Variants in PLEKHG4B observed in about 807,000 individuals in gnomAD.
PLEKHG4B encodes pleckstrin homology domain-containing family G member 4B.
A neutral mutation model predicts 121.3 loss-of-function variants in PLEKHG4B; 111 were observed. The ratio of observed to expected loss-of-function variants is 0.92; its 90% confidence interval spans 0.78 to 1.07. PLEKHG4B has a LOEUF of 1.07. PLEKHG4B is among the 50% of genes least tolerant of loss of function. The pLI, the probability that PLEKHG4B is intolerant of heterozygous loss-of-function variation, is 0.00. For missense variants in PLEKHG4B, 1,831 were observed against 1,757.8 expected, an observed-to-expected ratio of 1.04 and a Z score of -0.74; for synonymous variants, 738 against 725.0, an observed-to-expected ratio of 1.02 and a Z score of -0.29.
intron 2 of PLEKHG4B, among the ~76,000 whole-genome samples, chr5:122,078 G>A (rs560449346): frequency 2.6e-5 from 4 of 152,166 alleles, no homozygotes; most frequent in Non-Finnish European, 4.4e-5. Flanking sequence ...ACATTGTTTC[G>A]AATTTTAAAA....
chr5:166,862 A>C (rs1736370405), intron 13 of PLEKHG4B, among the ~76,000 whole-genome samples: 1 of 152,218 alleles, frequency 6.6e-6, no homozygotes, highest in South Asian at 2.1e-4. Context: ...TCCAAGTAGA[A>C]CATTAAGTTC....
chr5:134,505 C>A (rs768178111), intron 2 of PLEKHG4B, among the ~76,000 whole-genome samples: 2 of 152,008 alleles, frequency 1.3e-5, no homozygotes, highest in Admixed American at 6.5e-5. Context: ...GTGGGTCATG[C>A]CTGTGATCCC....
intron 1 of PLEKHG4B, among the ~76,000 whole-genome samples, chr5:101,880 T>C (rs865843458): frequency 6.5e-3 from 365 of 55,870 alleles, no homozygotes; most frequent in African/African-American, 0.027. Context: ...CTGGAAAAAG[T>C]CTGTAGGGGA....
At chr5:181,436 T>C in intron 18 of PLEKHG4B, 78 bp from the exon 19 acceptor site, 1 of 1,466,016 alleles carries the variant, frequency 6.8e-7, no homozygotes, top group Non-Finnish European at 9.4e-7. Flanking sequence ...GCTGAGGGCA[T>C]TAGGGGTACC....
chr5:110,544 A>G (rs1355020014), intron 1 of PLEKHG4B, among the ~76,000 whole-genome samples: 1 of 147,316 alleles, frequency 6.8e-6, no homozygotes, highest in African/African-American at 2.6e-5. Context: ...TCTGCAACAC[A>G]CGTGCACACA....
At chr5:133,913 G>GACACAC (rs745898348) in intron 2 of PLEKHG4B, among the ~76,000 whole-genome samples, 3,353 of 135,586 alleles carry the variant, frequency 0.025, 152 homozygotes, top group African/African-American at 0.088. Flanking sequence ...AAGAAAATGT[G>GACACAC]ACACACACGC....
In PLEKHG4B at chr5:143,263, G is replaced by T; in HGVS notation, c.1687+7G>T. The stretch of plus-strand genomic sequence containing the variant: ...GGGGTCGTCACCCTCCCAGGTGAGA[G>T]CACATGCCAGGCTCTCCTGTCAGGG... On this transcript the variant is annotated splice_region_variant and intron_variant, in intron 4 of 19. Transcript: ENST00000637938. 6.2e-7 allele frequency: 1 copy of T among 1,609,678 alleles called. No individual in the cohort carries two copies. The highest frequency in any genetic ancestry group is 8.5e-7 in the Non-Finnish European group (1 of 1,179,890).
Position 183,979 on chromosome 5 carries a change from A to AGATC in PLEKHG4B, c.*1659_*1660insCGAT, listed in dbSNP as rs1553992864. 5.6e-5 allele frequency: 5 copies of AGATC among 88,988 alleles called. No homozygotes were observed. The highest frequency in any genetic ancestry group is 2.2e-4 in the Admixed American group (2 of 9,076). 5.5% of individuals were successfully genotyped at this position (88,988 alleles called of 1,614,324 possible). ...TAGATATATATACAGACAGATAGAT[A>AGATC]GATAGATAGATCGATAGATAGATAG... On this transcript the variant is annotated 3_prime_UTR_variant, in exon 20 of 20. Transcript: ENST00000637938.
Position 143,027 on chromosome 5 carries a change from G to A in PLEKHG4B, c.1478-20G>A, listed in dbSNP as rs1162850387. 6.8e-6 allele frequency: 11 copies of A among 1,607,826 alleles called. No homozygotes were observed. The highest frequency in any genetic ancestry group is 2.2e-5 in the East Asian group (1 of 44,796). On this transcript the variant is annotated intron_variant, in intron 3 of 19. Coordinates refer to ENST00000637938, the MANE Select transcript of PLEKHG4B (RefSeq NM_052909.5). ...GCAGGAAAACCTTCATCTTTGACAC[G>A]GCCTCTTTCCTTTGTCCAGACGTTC... is the stretch of plus-strand genomic sequence containing the variant.
chr5:135,678 AAAAAATATATATAT>A (rs1352263237), intron 2 of PLEKHG4B, among the ~76,000 whole-genome samples: 8 of 51,698 alleles, frequency 1.5e-4, no homozygotes, highest in East Asian at 4.4e-4. Context: ...AAAAAAAAAA[AAAAAATATATATAT>A]ATATATATAT....
chr5:103,231 G>A (rs1003134096), intron 1 of PLEKHG4B, among the ~76,000 whole-genome samples: 6 of 152,208 alleles, frequency 3.9e-5, no homozygotes, highest in Non-Finnish European at 5.9e-5. Flanking sequence ...GGTGCATCCT[G>A]TGAAGTTCAG....
At chr5:114,388 A>G (rs901550407) in intron 2 of PLEKHG4B, among the ~76,000 whole-genome samples, 20 of 152,136 alleles carry the variant, frequency 1.3e-4, no homozygotes, top group Admixed American at 2.0e-4. Flanking sequence ...TTTATGGAGT[A>G]CTCTAAATCC....
chr5:99,980 C>G (rs956717012), intron 1 of PLEKHG4B, among the ~76,000 whole-genome samples: 2 of 152,068 alleles, frequency 1.3e-5, no homozygotes, highest in African/African-American at 4.8e-5. Context: ...TTGAGATGAT[C>G]ATGTGAGCTT....
rs1460296526 is a variant in PLEKHG4B, at chr5:157,989, C to A, written c.2487+1078C>A. Among the ~76,000 whole-genome samples, 1 of 152,146 alleles carries A rather than the reference C, an allele frequency of 6.6e-6. No homozygotes were observed. The highest frequency in any genetic ancestry group is 2.4e-5 in the African/African-American group (1 of 41,430). ...ACTGTGCATGCTCCTGGCCTCCCCA[C>A]GACTGACCCCAGCTCCCAAATATTG... is the stretch of plus-strand genomic sequence containing the variant. On this transcript the variant is annotated intron_variant, in intron 11 of 19. Transcript: ENST00000637938. This position sits in a 1 kb window ranked among gnomAD's most constrained non-coding sequence, Gnocchi z 4.6.
In PLEKHG4B at chr5:182,533, A is replaced by T; in HGVS notation, c.*210A>T. 5.1e-6 allele frequency: 3 copies of T among 585,756 alleles called. No individual in the cohort carries two copies. Among genetic ancestry groups the T allele is most frequent in the Non-Finnish European group, 8.9e-6 (3 of 338,756 alleles). The allele number at this position is 585,756 out of a possible 1,614,324, so 36.3% of individuals were successfully genotyped here. A position where few individuals can be genotyped will look rare whatever the true frequency, so the allele number is the denominator to read the frequency against. The stretch of plus-strand genomic sequence containing the variant: ...TTTATAATTTTGTCTTATTTAAAAA[A>T]CAAACCTTCCACTTCCACCCAAGAC... On this transcript the variant is annotated 3_prime_UTR_variant, in exon 20 of 20. Transcript: ENST00000637938.
chr5:126,712 G>A (rs559505167), intron 2 of PLEKHG4B, among the ~76,000 whole-genome samples: 32 of 152,220 alleles, frequency 2.1e-4, no homozygotes, highest in Middle Eastern at 3.4e-3. Context: ...GTAAATACCC[G>A]GGGTTCATCA....
intron 18 of PLEKHG4B, among the ~76,000 whole-genome samples, chr5:175,322 C>T (rs937592530): frequency 7.9e-5 from 12 of 152,096 alleles, no homozygotes; most frequent in African/African-American, 2.9e-4. Context: ...TTGCTCCCCC[C>T]ACCGACTTCT....
intron 18 of PLEKHG4B, among the ~76,000 whole-genome samples, chr5:177,702 C>T (rs990249935): frequency 6.6e-6 from 1 of 152,234 alleles, no homozygotes; most frequent in Non-Finnish European, 1.5e-5. Context: ...GAGACCCAAG[C>T]GGGCACCGAG....
chr5:150,090 A>T (rs1735556107), intron 6 of PLEKHG4B, among the ~76,000 whole-genome samples: 1 of 152,262 alleles, frequency 6.6e-6, no homozygotes. Flanking sequence ...TATCCATAAC[A>T]GCTAAAACAC....
Sources: gnomAD v4.1 joint callset for allele counts (sites outside exome capture counted in the v4.1 genomes callset) on GRCh38, gnomAD v4.1.1 for gene constraint, Gnocchi (gnomAD v3.1) non-coding constraint, MANE v1.5 for transcripts, NCBI Gene and HGNC (gene_info 2026-07-23, HGNC 2026-07-21) for gene names.